Variants in UST observed in about 807,000 individuals in gnomAD.
The protein encoded by UST is uronyl 2-sulfotransferase, also known as chondroitin sulfate 2-O-sulfotransferase.
UST carries 21 observed loss-of-function variants against 45.6 expected under a neutral mutation model. That is an observed-to-expected ratio of 0.46 (90% CI 0.33 to 0.66). The LOEUF (loss-of-function observed/expected upper bound fraction) is 0.66, where lower values mean the gene tolerates loss of function less well. Ranked by LOEUF, UST falls within the 30% of genes least tolerant of loss-of-function variation. The pLI is 0.02. For missense variants in UST, 463 were observed against 512.4 expected (o/e 0.90, Z 0.93); for synonymous variants, 215 against 200.6 (o/e 1.07, Z -0.61).
chr6:148,769,848 A>G (rs2114671381), intron 1 of UST, among the ~76,000 whole-genome samples: 1 of 149,190 alleles, frequency 6.7e-6, no homozygotes, highest in South Asian at 2.1e-4. Flanking sequence ...TGTTTGTTGT[A>G]TAGATCCCTA....
intron 2 of UST, among the ~76,000 whole-genome samples, chr6:148,938,046 T>G (rs924202766): frequency 1.3e-5 from 2 of 152,244 alleles, no homozygotes; most frequent in Non-Finnish European, 2.9e-5. Context: ...GCTTTTGAAG[T>G]ACTCACTGAT....
At position 149,075,763 on chromosome 6, in the gene UST, A is replaced by G. The variant is rs1291277990; in HGVS notation, c.*1647A>G. The G allele has an allele frequency of 6.6e-6, 1 of 152,162 alleles. No homozygotes were observed. The highest frequency in any genetic ancestry group is 1.5e-5 in the Non-Finnish European group (1 of 68,020). The allele number at this position is 152,162 out of a possible 1,614,324, so 9.4% of individuals were successfully genotyped here. On this transcript the variant is annotated 3_prime_UTR_variant, in exon 8 of 8. Coordinates refer to ENST00000367463, the MANE Select transcript of UST (RefSeq NM_005715.3). Reference sequence around the variant, plus strand: ...AAGGACACTGCCACAAATTTTGTCTATTTCATATTTGTCCCCTAGAGCCAG... The same window carrying G: ...AAGGACACTGCCACAAATTTTGTCTGTTTCATATTTGTCCCCTAGAGCCAG...
intron 7 of UST, among the ~76,000 whole-genome samples, chr6:149,063,366 A>G (rs1424245099): frequency 6.6e-6 from 1 of 152,232 alleles, no homozygotes; most frequent in Non-Finnish European, 1.5e-5. Context: ...TATTTGACCA[A>G]TCCCTAAAGG....
intron 1 of UST, among the ~76,000 whole-genome samples, chr6:148,794,367 A>G (rs1776909033): frequency 6.6e-6 from 1 of 152,136 alleles, no homozygotes; most frequent in African/African-American, 2.4e-5. Flanking sequence ...TAACTGCATT[A>G]TTTGAATTTT....
intron 1 of UST, among the ~76,000 whole-genome samples, chr6:148,808,492 G>C (rs2114726749): frequency 6.6e-6 from 1 of 152,030 alleles, no homozygotes; most frequent in East Asian, 1.9e-4. Context: ...GGGATAGGTG[G>C]GTGGGAGGCT....
intron 1 of UST, among the ~76,000 whole-genome samples, chr6:148,813,832 A>G (rs1003889138): frequency 6.6e-6 from 1 of 152,222 alleles, no homozygotes; most frequent in Non-Finnish European, 1.5e-5. Context: ...GGGCCATTCT[A>G]TATCAGGCAA....
chr6:148,774,846 C>T (rs1261061225), intron 1 of UST, among the ~76,000 whole-genome samples: 1 of 152,170 alleles, frequency 6.6e-6, no homozygotes, highest in East Asian at 1.9e-4. Flanking sequence ...TGGTGAAACC[C>T]CGTCTTTACT....
chr6:149,024,399 G>C (rs1776021481), intron 7 of UST, among the ~76,000 whole-genome samples: 1 of 152,176 alleles, frequency 6.6e-6, no homozygotes, highest in Non-Finnish European at 1.5e-5. Flanking sequence ...GAACCTTTGA[G>C]TTGTTGCTTC....
chr6:149,063,565 G>A (rs1776688397), intron 7 of UST, among the ~76,000 whole-genome samples: 1 of 152,186 alleles, frequency 6.6e-6, no homozygotes, highest in Admixed American at 6.5e-5. Context: ...AGATGGGAGG[G>A]TAGACTGCTT....
At chr6:149,055,113 T>A (rs888294361) in intron 7 of UST, among the ~76,000 whole-genome samples, 1 of 152,134 alleles carries the variant, frequency 6.6e-6, no homozygotes, top group Non-Finnish European at 1.5e-5. Flanking sequence ...AATAAATCAT[T>A]TGGTAGAAGC....
At chr6:148,833,201 A>C (rs151027858) in intron 1 of UST, among the ~76,000 whole-genome samples, 1 of 152,232 alleles carries the variant, frequency 6.6e-6, no homozygotes, top group African/African-American at 2.4e-5. Flanking sequence ...AAAATTGTGG[A>C]ACCTGACCAG....
chr6:148,863,990 C>A (rs1778372878), intron 1 of UST, among the ~76,000 whole-genome samples: 1 of 152,188 alleles, frequency 6.6e-6, no homozygotes, highest in African/African-American at 2.4e-5. Flanking sequence ...GTTCTCAGAT[C>A]TCAAACTCCA....
chr6:148,887,228 T>C (rs1778928767), intron 2 of UST, among the ~76,000 whole-genome samples, 199 bp downstream of exon 2: 1 of 152,252 alleles, frequency 6.6e-6, no homozygotes, highest in South Asian at 2.1e-4. Flanking sequence ...GAAGGAGCCA[T>C]TGTTGAATCA....
chr6:148,959,983 A>AT (rs1186852225), intron 4 of UST, among the ~76,000 whole-genome samples: 1 of 151,974 alleles, frequency 6.6e-6, no homozygotes, highest in Middle Eastern at 3.2e-3. Context: ...GGGCTCCAGC[A>AT]AAGGGCCCTT....
At chr6:149,044,325 A>T (rs551825234) in intron 7 of UST, among the ~76,000 whole-genome samples, 8 of 152,226 alleles carry the variant, frequency 5.3e-5, no homozygotes, top group Non-Finnish European at 1.2e-4. Flanking sequence ...ATTTCAAAAA[A>T]AAACTCTTGT....
chr6:148,768,330 T>C (rs144775426), intron 1 of UST, among the ~76,000 whole-genome samples: 1 of 152,332 alleles, frequency 6.6e-6, no homozygotes, highest in East Asian at 1.9e-4. Context: ...TATAGATGTG[T>C]TCCTCTTTCT....
In UST at chr6:148,829,500, T is replaced by C. The variant is rs77466431; in HGVS notation, c.248-57486T>C. 4.7e-3 allele frequency among the ~76,000 whole-genome samples: 709 copies of C among 152,290 alleles called. 4 individuals carry two copies. The highest frequency in any genetic ancestry group is 0.016 in the African/African-American group (675 of 41,542). ...TTCCAGACACAAGAATTAAGTGTTC[T>C]CTGTGCTGTTCAGTCTACTTCCAAA... is the stretch of plus-strand genomic sequence containing the variant. On this transcript the variant is annotated intron_variant, in intron 1 of 7. Transcript: ENST00000367463.
intron 1 of UST, among the ~76,000 whole-genome samples, chr6:148,770,294 C>T (rs906355705): frequency 6.6e-6 from 1 of 150,858 alleles, no homozygotes; most frequent in Non-Finnish European, 1.5e-5. Flanking sequence ...GGCATTGAAG[C>T]ATAAATAGGC....
chr6:148,929,596 C>T (rs758598769), intron 2 of UST, among the ~76,000 whole-genome samples: 7 of 152,206 alleles, frequency 4.6e-5, no homozygotes, highest in Non-Finnish European at 7.3e-5. Flanking sequence ...CTAAAACCTC[C>T]ATACCTAAGG....
Sources: allele counts gnomAD v4.1 joint callset (sites outside exome capture counted in the v4.1 genomes callset), GRCh38; gene constraint gnomAD v4.1.1; transcripts MANE v1.5; gene names NCBI Gene and HGNC (gene_info 2026-07-23, HGNC 2026-07-21).